IKZF2: variants seen among roughly 807,000 people sequenced by gnomAD.
IKZF2 encodes zinc finger protein Helios.
IKZF2 carries 15 observed loss-of-function variants against 49.2 expected under a neutral mutation model. The observed-to-expected ratio is 0.30, with a 90% CI of 0.20 to 0.47. The LOEUF is 0.47. IKZF2 is among the 20% of genes least tolerant of loss of function. IKZF2 has a pLI of 1.00. For synonymous variants in IKZF2, 227 were observed against 221.4 expected (o/e 1.03, Z -0.23); for missense variants, 567 against 664.6 (o/e 0.85, Z 1.61).
chr2:213,110,541 C>G (rs765059557), intron 4 of IKZF2, among the ~76,000 whole-genome samples: 3 of 151,402 alleles, frequency 2.0e-5, no homozygotes, highest in Non-Finnish European at 4.4e-5. Flanking sequence ...ATTGGATATA[C>G]CTAATTTATT....
At chr2:213,052,293 T>G (rs970823182) in intron 5 of IKZF2, among the ~76,000 whole-genome samples, 11 of 151,986 alleles carry the variant, frequency 7.2e-5, no homozygotes, top group Non-Finnish European at 1.5e-4. Flanking sequence ...CTTTGGTAAG[T>G]TCCCAAGGAC....
intron 4 of IKZF2, among the ~76,000 whole-genome samples, chr2:213,080,968 T>A (rs905409153): frequency 2.0e-5 from 3 of 151,996 alleles, no homozygotes; most frequent in Admixed American, 6.6e-5. Flanking sequence ...GAAAAAAAAA[T>A]TTGGTGTTAG....
At chr2:213,113,707 T>C (rs963304927) in intron 4 of IKZF2, among the ~76,000 whole-genome samples, 1 of 152,144 alleles carries the variant, frequency 6.6e-6, no homozygotes, top group African/African-American at 2.4e-5. Context: ...TCTTCAGCTG[T>C]ACCTATTGAT....
intron 6 of IKZF2, among the ~76,000 whole-genome samples, chr2:213,023,347 C>A (rs1697436273): frequency 6.6e-6 from 1 of 152,116 alleles, no homozygotes; most frequent in Non-Finnish European, 1.5e-5. Flanking sequence ...TACACCAAAC[C>A]TTTAGATTGT....
chr2:213,124,524 G>A lies in IKZF2; in HGVS notation c.139+23184C>T, dbSNP rs183508626. ...ACAGTCTGCAAACCATCCCGTTCCC[G>A]GGACAGACCAGGAGCTACAAAACTA... On this transcript the variant is annotated intron_variant, in intron 4 of 8. Transcript: ENST00000434687. Among the ~76,000 whole-genome samples, 256 of 152,152 alleles carry A rather than the reference G, an allele frequency of 1.7e-3. 1 individual carries two copies. The highest frequency in any genetic ancestry group is 5.7e-3 in the African/African-American group (237 of 41,488).
At chr2:213,106,787 C>G (rs1484350370) in intron 4 of IKZF2, among the ~76,000 whole-genome samples, 1 of 152,130 alleles carries the variant, frequency 6.6e-6, no homozygotes, top group African/African-American at 2.4e-5. Context: ...ACTCATAACT[C>G]TATTCTTCAT....
chr2:213,011,527 T>C (rs77718291), intron 8 of IKZF2, among the ~76,000 whole-genome samples: 1,804 of 152,140 alleles, frequency 0.012, 15 homozygotes, highest in Middle Eastern at 0.027. Context: ...CATGGATGCA[T>C]ACAATCCTAT....
chr2:213,098,133 C>T (rs557920152), intron 4 of IKZF2, among the ~76,000 whole-genome samples: 1 of 152,216 alleles, frequency 6.6e-6, no homozygotes, highest in East Asian at 1.9e-4. Context: ...ATTATCAATG[C>T]CTGAGCCCTA....
rs147698009 is a variant in IKZF2 at position 213,112,760 on chromosome 2, G to A, written c.139+34948C>T. Among the ~76,000 whole-genome samples, 875 of 152,200 alleles carry A rather than the reference G, an allele frequency of 5.7e-3. 10 individuals carry two copies. Among genetic ancestry groups the A allele is most frequent in the African/African-American group, 0.02 (841 of 41,512 alleles). ...TTAGAAATATCATATTAGCTAAGAC[G>A]AAGGATTCTGGAACTAGGCAACCAA... On this transcript the variant is annotated intron_variant, in intron 4 of 8. Coordinates refer to ENST00000434687, the MANE Select transcript of IKZF2 (RefSeq NM_001387220.1).
At chr2:213,060,917 T>C (rs546759686) in intron 4 of IKZF2, among the ~76,000 whole-genome samples, 1 of 151,646 alleles carries the variant, frequency 6.6e-6, no homozygotes, top group Non-Finnish European at 1.5e-5. Context: ...TAGAAAAAGC[T>C]TTGAAGATAT....
intron 1 of IKZF2, among the ~76,000 whole-genome samples, chr2:213,151,127 T>C (rs1317991520): frequency 6.6e-6 from 1 of 152,054 alleles, no homozygotes; most frequent in African/African-American, 2.4e-5. Context: ...GAGGACATCA[T>C]CTTCAACCCG....
chr2:213,026,930 A>T (rs1697879732), intron 6 of IKZF2, among the ~76,000 whole-genome samples: 1 of 151,986 alleles, frequency 6.6e-6, no homozygotes, highest in Non-Finnish European at 1.5e-5. Flanking sequence ...TTCTTTTATT[A>T]CGTTAATGAT....
At chr2:213,065,852 TA>T in intron 4 of IKZF2, among the ~76,000 whole-genome samples, 1 of 152,048 alleles carries the variant, frequency 6.6e-6, no homozygotes, top group Non-Finnish European at 1.5e-5. Context: ...GTCAATATGT[TA>T]AAGAATGATA....
chr2:213,052,634 G>A (rs1336188695), intron 5 of IKZF2, among the ~76,000 whole-genome samples: 2 of 151,956 alleles, frequency 1.3e-5, no homozygotes, highest in Non-Finnish European at 2.9e-5. Context: ...AATACTGTTA[G>A]AAACAAGGAT....
At chr2:213,008,150 TTAAAAATATGAAAGGG>T in intron 8 of IKZF2, 66 bp from the exon 9 acceptor site, 1 of 1,468,670 alleles carries the variant, frequency 6.8e-7, no homozygotes, top group Non-Finnish European at 9.0e-7. Flanking sequence ...TAGTATCAGA[TTAAAAATATGAAAGGG>T]TACGAAGTTG....
intron 4 of IKZF2, among the ~76,000 whole-genome samples, chr2:213,120,522 T>C (rs58192019): frequency 0.022 from 3,364 of 152,282 alleles, 111 homozygotes; most frequent in African/African-American, 0.075. Context: ...GACAAAAAGA[T>C]AGATTGGGCT....
intron 4 of IKZF2, among the ~76,000 whole-genome samples, chr2:213,082,887 C>CT (rs1010343236): frequency 1.3e-5 from 2 of 152,166 alleles, no homozygotes; most frequent in African/African-American, 4.8e-5. Flanking sequence ...AGTTTTCCTT[C>CT]TAAAATATGT....
At chr2:213,079,719 C>A (rs779359373) in intron 4 of IKZF2, among the ~76,000 whole-genome samples, 1 of 152,134 alleles carries the variant, frequency 6.6e-6, no homozygotes, top group African/African-American at 2.4e-5. Context: ...ATAGGCAAAG[C>A]TTGTCATCTC....
intron 6 of IKZF2, among the ~76,000 whole-genome samples, chr2:213,035,769 T>C (rs908513820): frequency 3.9e-5 from 6 of 152,144 alleles, no homozygotes; most frequent in Non-Finnish European, 7.4e-5. Flanking sequence ...AGTAGTTTGA[T>C]TTTATTATAA....
Sources: allele counts gnomAD v4.1 joint callset (sites outside exome capture counted in the v4.1 genomes callset), GRCh38; gene constraint gnomAD v4.1.1; transcripts MANE v1.5; gene names NCBI Gene and HGNC (gene_info 2026-07-23, HGNC 2026-07-21).